Variants in INPP5B observed in about 807,000 individuals in gnomAD.
The protein encoded by INPP5B is inositol polyphosphate-5-phosphatase B, also known as type II inositol 1,4,5-trisphosphate 5-phosphatase.
INPP5B carries 90 observed loss-of-function variants against 118.5 expected under a neutral mutation model. The observed-to-expected ratio is 0.76, with a 90% CI of 0.64 to 0.90. The LOEUF is 0.90. Ranked by LOEUF, INPP5B falls within the 40% of genes least tolerant of loss-of-function variation. INPP5B has a pLI of 0.00. For missense variants in INPP5B, 984 were observed against 1,125.6 expected, an observed-to-expected ratio of 0.87 and a Z score of 1.80; for synonymous variants, 385 against 418.9, an observed-to-expected ratio of 0.92 and a Z score of 0.99.
At chr1:37,920,878 A>G (rs955547486) in intron 7 of INPP5B, among the ~76,000 whole-genome samples, 2 of 151,944 alleles carry the variant, frequency 1.3e-5, no homozygotes, top group African/African-American at 4.8e-5. Flanking sequence ...AGGCCGAGGC[A>G]GGCATATCAC....
At chr1:37,867,013 C>T (rs538759409) in intron 20 of INPP5B, among the ~76,000 whole-genome samples, 223 of 152,280 alleles carry the variant, frequency 1.5e-3, no homozygotes, top group Non-Finnish European at 2.4e-3. Context: ...GCGGGTGGAT[C>T]ACGAGGTCAG....
chr1:37,872,815 G>T, intron 19 of INPP5B, 115 bp downstream of exon 19: 1 of 744,122 alleles, frequency 1.3e-6, no homozygotes, highest in Non-Finnish European at 2.3e-6. Flanking sequence ...CACTAAGCAA[G>T]CTCTAGGAAG....
intron 6 of INPP5B, among the ~76,000 whole-genome samples, chr1:37,932,445 T>G (rs974779370): frequency 2.8e-5 from 4 of 143,718 alleles, no homozygotes; most frequent in African/African-American, 1.0e-4. Context: ...CTCCGCTCAC[T>G]GCAACCTCTG....
At chr1:37,946,185 G>A (rs1646104820) in intron 2 of INPP5B, 67 bp downstream of exon 2, 25 of 1,458,582 alleles carry the variant, frequency 1.7e-5, no homozygotes, top group Non-Finnish European at 2.2e-5. Context: ...TAGACACCTC[G>A]ACACCTTCCA....
chr1:37,915,684 G>A (rs1644838256), intron 7 of INPP5B, among the ~76,000 whole-genome samples: 1 of 152,224 alleles, frequency 6.6e-6, no homozygotes, highest in African/African-American at 2.4e-5. Flanking sequence ...TGGAAAGTCT[G>A]GAAGGGTGCA....
intron 7 of INPP5B, among the ~76,000 whole-genome samples, chr1:37,923,696 A>C (rs1241423139): frequency 6.6e-6 from 1 of 152,102 alleles, no homozygotes; most frequent in Non-Finnish European, 1.5e-5. Context: ...ATGAGAGCAG[A>C]GGGAAGAGTC....
At chr1:37,877,679 G>C (rs1238731847) in intron 16 of INPP5B, among the ~76,000 whole-genome samples, 2 of 152,170 alleles carry the variant, frequency 1.3e-5, no homozygotes, top group Non-Finnish European at 2.9e-5. Flanking sequence ...ACAGCACTGT[G>C]TATAATAGCA....
chr1:37,862,281 G>A lies in INPP5B; in HGVS notation c.*34C>T, dbSNP rs773701071. The A allele has an allele frequency of 3.6e-6, 5 of 1,396,266 alleles. No individual in the cohort carries two copies. Among genetic ancestry groups the A allele is most frequent in the Non-Finnish European group, 5.1e-6 (5 of 982,372 alleles). The allele number at this position is 1,396,266 out of a possible 1,614,324, so 86.5% of individuals were successfully genotyped here. ...GCTGAAACAGGTGGGGCTGGTAATT[G>A]GCAGCCTCAAGTAAAATAGGAGGAG... On this transcript the variant is annotated 3_prime_UTR_variant, in exon 24 of 24. Transcript: ENST00000373024.
At chr1:37,867,353 G>T (rs1413989703) in intron 20 of INPP5B, among the ~76,000 whole-genome samples, 2 of 152,110 alleles carry the variant, frequency 1.3e-5, no homozygotes, top group Non-Finnish European at 2.9e-5. Flanking sequence ...TATATGTATT[G>T]CTCAAAAGTT....
At chr1:37,869,879 A>C (rs1215341053) in intron 19 of INPP5B, 9 of 151,970 alleles carry the variant, frequency 5.9e-5, no homozygotes, top group Non-Finnish European at 1.3e-4. Flanking sequence ...GGAGTTCAAG[A>C]CTCCCTAAAT....
chr1:37,915,112 G>A (rs1644821840), intron 7 of INPP5B, among the ~76,000 whole-genome samples: 1 of 152,198 alleles, frequency 6.6e-6, no homozygotes, highest in Admixed American at 6.5e-5. Context: ...TGCATATTGT[G>A]TAGAACCAAA....
At chr1:37,935,793 G>A (rs1220643976) in intron 6 of INPP5B, among the ~76,000 whole-genome samples, 1 of 151,892 alleles carries the variant, frequency 6.6e-6, no homozygotes, top group Non-Finnish European at 1.5e-5. Context: ...GCGGCCGGGC[G>A]CGGTGGCTCA....
chr1:37,876,721 A>AAC (rs1204863097), intron 16 of INPP5B, among the ~76,000 whole-genome samples: 1 of 149,770 alleles, frequency 6.7e-6, no homozygotes, highest in African/African-American at 2.4e-5. Flanking sequence ...AAAAAAAAAA[A>AAC]AACCATTAGC....
chr1:37,866,597 G>T (rs1231829389), intron 20 of INPP5B, 54 bp from the exon 21 acceptor site: 1 of 1,110,916 alleles, frequency 9.0e-7, no homozygotes. Flanking sequence ...AATCATCAAT[G>T]ATTTCCTGAC....
chr1:37,943,754 G>T (rs779338566), intron 4 of INPP5B, 42 bp downstream of exon 4: 2 of 1,609,842 alleles, frequency 1.2e-6, no homozygotes, highest in Admixed American at 1.7e-5. Flanking sequence ...GAGCTGGGGG[G>T]CCCATAGGAG....
intron 7 of INPP5B, among the ~76,000 whole-genome samples, chr1:37,912,997 C>T (rs1037775972): frequency 7.3e-5 from 11 of 151,360 alleles, no homozygotes; most frequent in African/African-American, 2.4e-4. Context: ...GTGGCTCATG[C>T]CTGCAATCCC....
chr1:37,921,734 G>C (rs1291467543), intron 7 of INPP5B, among the ~76,000 whole-genome samples: 2 of 152,136 alleles, frequency 1.3e-5, no homozygotes, highest in Non-Finnish European at 2.9e-5. Context: ...TAAAGACCAG[G>C]CGTGGTGGCT....
At chr1:37,932,421 T>G (rs1216886263) in intron 6 of INPP5B, among the ~76,000 whole-genome samples, 3 of 139,986 alleles carry the variant, frequency 2.1e-5, no homozygotes, top group Non-Finnish European at 4.5e-5. Flanking sequence ...TAAGCTGGAG[T>G]GCAGTGGAGC....
chr1:37,862,116 G>T lies in INPP5B; in HGVS notation c.*199C>A, dbSNP rs544723504. ...ATTGAATGTCAGTTTTATTATGGTG[G>T]ATTTTCTCCCGTGTCTTCACGACTC... On this transcript the variant is annotated 3_prime_UTR_variant, in exon 24 of 24. Transcript: ENST00000373024. 37 of 487,312 alleles carry T rather than the reference G, an allele frequency of 7.6e-5. No homozygotes were observed. Among genetic ancestry groups the T allele is most frequent in the Non-Finnish European group, 1.3e-4 (36 of 273,944 alleles). 30.2% of individuals were successfully genotyped at this position (487,312 alleles called of 1,614,324 possible). A position where few individuals can be genotyped will look rare whatever the true frequency, so the allele number is the denominator to read the frequency against.
Sources: gnomAD v4.1 joint callset for allele counts (sites outside exome capture counted in the v4.1 genomes callset) on GRCh38, gnomAD v4.1.1 for gene constraint, MANE v1.5 for transcripts, NCBI Gene and HGNC (gene_info 2026-07-23, HGNC 2026-07-21) for gene names.